Variants in KIF3C observed in about 807,000 individuals in gnomAD.
KIF3C encodes the protein kinesin family member 3C.
In KIF3C, 12 loss-of-function variants were observed where a neutral mutation model predicts 67.7. That is an observed-to-expected ratio of 0.18 (90% CI 0.11 to 0.29). The LOEUF (loss-of-function observed/expected upper bound fraction) is 0.29. KIF3C is among the 10% of genes least tolerant of loss of function. The pLI is 1.00. For synonymous variants in KIF3C, 393 were observed against 426.2 expected (o/e 0.92, Z 0.96); for missense variants, 789 against 1,059.6 (o/e 0.74, Z 3.55).
At chr2:25,937,882 C>T (rs1663174694) in intron 5 of KIF3C, among the ~76,000 whole-genome samples, 1 of 151,322 alleles carries the variant, frequency 6.6e-6, no homozygotes, top group African/African-American at 2.4e-5. Flanking sequence ...TGGTGAAACC[C>T]GGACTCTACT....
At chr2:25,933,656 C>T (rs2090480632) in intron 5 of KIF3C, among the ~76,000 whole-genome samples, 2 of 150,094 alleles carry the variant, frequency 1.3e-5, no homozygotes, top group Non-Finnish European at 3.0e-5. Flanking sequence ...GCCTGGGTGA[C>T]AGGGTTAAGA....
intron 4 of KIF3C, among the ~76,000 whole-genome samples, chr2:25,953,507 C>T (rs941884522): frequency 1.3e-4 from 20 of 150,480 alleles, no homozygotes; most frequent in Non-Finnish European, 3.0e-5. Context: ...ACTACAGGCG[C>T]CCGCCACCAC....
intron 1 of KIF3C, among the ~76,000 whole-genome samples, chr2:25,968,374 GC>G (rs1664195914): frequency 6.6e-6 from 1 of 152,158 alleles, no homozygotes; most frequent in African/African-American, 2.4e-5. Context: ...TCCAGTACCA[GC>G]CTTAAACTGA....
In KIF3C at chr2:25,978,910, C is replaced by T. The variant is rs541184744; in HGVS notation, c.1545+1463G>A. On this transcript the variant is annotated intron_variant, in intron 1 of 7. Transcript: ENST00000264712. ...AAAGGTTCCAGGCCCCTGATCCTTT[C>T]CTTGAGGAAACAGCTCAGCATAACT... Among the ~76,000 whole-genome samples, 4 of 152,212 alleles carry T rather than the reference C, an allele frequency of 2.6e-5. No homozygotes were observed. In the East Asian group the frequency reaches 7.8e-4, roughly 30 times the overall value.
At chr2:25,933,829 T>C (rs781581468) in intron 5 of KIF3C, among the ~76,000 whole-genome samples, 1 of 151,878 alleles carries the variant, frequency 6.6e-6, no homozygotes, top group African/African-American at 2.4e-5. Flanking sequence ...AAGTTAAACA[T>C]AGACTTACCA....
At chr2:25,961,749 T>A (rs1011180936) in intron 1 of KIF3C, among the ~76,000 whole-genome samples, 1 of 152,128 alleles carries the variant, frequency 6.6e-6, no homozygotes, top group African/African-American at 2.4e-5. Context: ...GTAGTTCTCT[T>A]ACTGCATCTC....
intron 5 of KIF3C, among the ~76,000 whole-genome samples, chr2:25,936,339 C>T (rs139455001): frequency 2.6e-4 from 40 of 152,168 alleles, no homozygotes; most frequent in Admixed American, 1.7e-3. Flanking sequence ...GCATACCTGG[C>T]CAGTTTTAAG....
intron 5 of KIF3C, chr2:25,938,375 A>G (rs1663196173): frequency 2.7e-6 from 1 of 372,994 alleles, no homozygotes; most frequent in African/African-American, 2.2e-5. Context: ...AAAAAAAATT[A>G]TTTTGTGAAA....
chr2:25,977,518 A>G (rs1047401318), intron 1 of KIF3C, among the ~76,000 whole-genome samples: 1 of 152,158 alleles, frequency 6.6e-6, no homozygotes, highest in Non-Finnish European at 1.5e-5. Flanking sequence ...CTGCAGGGTT[A>G]TGGCAAGGCA....
intron 1 of KIF3C, among the ~76,000 whole-genome samples, chr2:25,956,827 C>A (rs1463846619): frequency 3.9e-5 from 6 of 152,196 alleles, no homozygotes; most frequent in Admixed American, 2.0e-4. Flanking sequence ...ATACAGTCAC[C>A]AGGTAGCCCA....
In KIF3C at chr2:25,929,069, C is replaced by T. The variant is rs777743426; in HGVS notation, c.2291G>A (p.Cys764Tyr). The T allele has an allele frequency of 2.5e-6, 4 of 1,613,370 alleles. No homozygotes were observed. The Admixed American group carries it at 5.0e-5, about 20-fold the overall frequency. The change falls in exon 8 of 8, where the codon TGC becomes TAC. Residue 764 changes from cysteine to tyrosine, a missense_variant and splice_region_variant. By Grantham distance (194) the Cys-to-Tyr change is radical. Coordinates refer to ENST00000264712, the MANE Select transcript of KIF3C (RefSeq NM_002254.8). ...TSKVRKSRSWCQSPQRPPPST... is the reference protein window; with the variant it reads ...TSKVRKSRSWYQSPQRPPPST... ...AGGTGGAGGCCGCTGAGGACTCTGG[C>T]ACCTGCAGGGGAGATGACGCAGGCG... is the stretch of plus-strand genomic sequence containing the variant.
intron 1 of KIF3C, 111 bp from the exon 2 acceptor site, chr2:25,956,555 T>A: frequency 2.6e-6 from 2 of 764,118 alleles, no homozygotes; most frequent in Non-Finnish European, 2.3e-6. Context: ...GGACACCAGA[T>A]GTGTCCCAGA....
At chr2:25,970,155 G>C (rs1664241033) in intron 1 of KIF3C, among the ~76,000 whole-genome samples, 1 of 152,196 alleles carries the variant, frequency 6.6e-6, no homozygotes, top group Non-Finnish European at 1.5e-5. Context: ...CAGGGATCTG[G>C]CATAAATCCT....
At chr2:25,954,517 T>C (rs1663753102) in intron 3 of KIF3C, 132 bp from the exon 4 acceptor site, 3 of 661,348 alleles carry the variant, frequency 4.5e-6, no homozygotes, top group Non-Finnish European at 7.9e-6. Context: ...GGTCCTTTTC[T>C]GAACTCCCCG....
intron 5 of KIF3C, among the ~76,000 whole-genome samples, chr2:25,949,139 A>ATTTTTC: frequency 6.6e-6 from 1 of 152,356 alleles, no homozygotes; most frequent in South Asian, 2.1e-4. Flanking sequence ...TCGGAAGTAC[A>ATTTTTC]GGTAAAAGGT....
chr2:25,982,207 C>G lies in KIF3C; in HGVS notation c.-290G>C, dbSNP rs1489042366. Reference sequence around the variant, plus strand: ...GAGCAGCCGTGCCCGGAGCCCGCCCCATGCAGGAGCAGAGGGAGCGCTGCC... The same window carrying G: ...GAGCAGCCGTGCCCGGAGCCCGCCCGATGCAGGAGCAGAGGGAGCGCTGCC... On this transcript the variant is annotated 5_prime_UTR_variant, in exon 1 of 8. An upstream start codon of the reference 5' UTR is lost. Coordinates refer to ENST00000264712, the MANE Select transcript of KIF3C (RefSeq NM_002254.8). 1 of 437,588 alleles carries G rather than the reference C, an allele frequency of 2.3e-6. No individual in the cohort carries two copies. Among genetic ancestry groups the G allele is most frequent in the South Asian group, 6.8e-5 (1 of 14,746 alleles). 27.1% of individuals were successfully genotyped at this position (437,588 alleles called of 1,614,324 possible).
intron 5 of KIF3C, among the ~76,000 whole-genome samples, chr2:25,942,144 G>A (rs1229129362): frequency 6.6e-6 from 1 of 151,766 alleles, no homozygotes. Context: ...GATCACCTGA[G>A]GTCAGGAGTT....
chr2:25,960,273 C>T (rs12994424), intron 1 of KIF3C, among the ~76,000 whole-genome samples: 17,949 of 152,036 alleles, frequency 0.12, 1,338 homozygotes, highest in African/African-American at 0.2. Context: ...GAAATTCAGA[C>T]CTAGTGAATT....
intron 5 of KIF3C, among the ~76,000 whole-genome samples, chr2:25,930,459 A>G (rs1220220522): frequency 1.3e-5 from 2 of 152,168 alleles, no homozygotes; most frequent in Admixed American, 1.3e-4. Flanking sequence ...CCCAGGTTCA[A>G]GCAATTCTCC....
Sources: allele counts gnomAD v4.1 joint callset (sites outside exome capture counted in the v4.1 genomes callset), GRCh38; gene constraint gnomAD v4.1.1; transcripts MANE v1.5; gene names NCBI Gene and HGNC (gene_info 2026-07-23, HGNC 2026-07-21).